The following AKAP19 variants were observed in gnomAD, a reference collection of about 807,000 sequenced individuals.
The protein encoded by AKAP19 is small A-kinase anchoring protein.
chr2:190,007,963 T>TA, the AKAP19 span, among the ~76,000 whole-genome samples: 2 of 152,082 alleles, frequency 1.3e-5, no homozygotes, highest in African/African-American at 2.4e-5. Context: ...CTCTGTCTCA[T>TA]AAAAAAGAGA....
the AKAP19 span, chr2:189,879,731 G>C: frequency 6.6e-6 from 1 of 152,248 alleles, no homozygotes; most frequent in Non-Finnish European, 1.5e-5. Flanking sequence ...GCGAGGCGAG[G>C]AGATCCGAAG....
At chr2:190,028,486 T>C in the AKAP19 span, among the ~76,000 whole-genome samples, 1 of 152,196 alleles carries the variant, frequency 6.6e-6, no homozygotes. Context: ...CACTGAATTT[T>C]GGTAAGATCT....
chr2:189,930,665 A>T, the AKAP19 span: 1 of 324,976 alleles, frequency 3.1e-6, no homozygotes, highest in South Asian at 3.7e-5. Flanking sequence ...GACAAGAAGG[A>T]AACTCCCTCT....
At chr2:189,973,190 A>G in the AKAP19 span, among the ~76,000 whole-genome samples, 178 of 152,194 alleles carry the variant, frequency 1.2e-3, no homozygotes, top group African/African-American at 3.7e-3. Flanking sequence ...TTTTTAGCAT[A>G]AAGGGCTGTT....
At chr2:190,038,901 TTTCTTCTTC>T in the AKAP19 span, among the ~76,000 whole-genome samples, 84 of 46,006 alleles carry the variant, frequency 1.8e-3, 3 homozygotes, top group South Asian at 3.0e-3. Flanking sequence ...TCTTTCTTTC[TTTCTTCTTC>T]TTCTTCTTCT....
chr2:190,164,459 G>T, the AKAP19 span, among the ~76,000 whole-genome samples: 1 of 152,150 alleles, frequency 6.6e-6, no homozygotes, highest in Non-Finnish European at 1.5e-5. Context: ...TGAGCCGTGG[G>T]GTGGAGGTTG....
chr2:189,949,909 C>G, the AKAP19 span, among the ~76,000 whole-genome samples: 11 of 151,552 alleles, frequency 7.3e-5, no homozygotes, highest in African/African-American at 2.7e-4. Flanking sequence ...GGATTACAGA[C>G]GTGAGCCACC....
At chr2:190,160,670 TTAAG>T in the AKAP19 span, among the ~76,000 whole-genome samples, 4 of 151,698 alleles carry the variant, frequency 2.6e-5, no homozygotes, top group African/African-American at 4.8e-5. Flanking sequence ...GCAAAATGTT[TTAAG>T]TAATTAGCTC....
chr2:189,931,206 T>G, the AKAP19 span, among the ~76,000 whole-genome samples: 6 of 130,134 alleles, frequency 4.6e-5, no homozygotes, highest in African/African-American at 1.5e-4. Context: ...GAAATGGTGG[T>G]TTTTTTTCTT....
At chr2:190,139,658 C>G in the AKAP19 span, among the ~76,000 whole-genome samples, 1 of 152,038 alleles carries the variant, frequency 6.6e-6, no homozygotes, top group Non-Finnish European at 1.5e-5. Flanking sequence ...TGAGAACTCA[C>G]TATCACAAAA....
the AKAP19 span, among the ~76,000 whole-genome samples, chr2:190,146,967 G>A: frequency 1.3e-5 from 2 of 152,180 alleles, no homozygotes; most frequent in African/African-American, 4.8e-5. Flanking sequence ...TTACTCTGCT[G>A]ACTGTTCATT....
At chr2:190,174,497 T>C in the AKAP19 span, among the ~76,000 whole-genome samples, 3 of 152,302 alleles carry the variant, frequency 2.0e-5, no homozygotes, top group African/African-American at 7.2e-5. Context: ...GGTATATTAG[T>C]CAAATATTTA....
chr2:190,190,862 C>T, the AKAP19 span, among the ~76,000 whole-genome samples: 2 of 152,162 alleles, frequency 1.3e-5, no homozygotes, highest in African/African-American at 4.8e-5. Flanking sequence ...GTTACAGCCA[C>T]CACCACAATC....
chr2:190,038,929 T>TTCTTCTTCTTCTTCC, the AKAP19 span, among the ~76,000 whole-genome samples: 1 of 143,532 alleles, frequency 7.0e-6, no homozygotes, highest in African/African-American at 2.7e-5. Flanking sequence ...CTTCTTCTTC[T>TTCTTCTTCTTCTTCC]TCTTCTTCTT....
chr2:189,892,469 G>A, the AKAP19 span, among the ~76,000 whole-genome samples: 3 of 152,174 alleles, frequency 2.0e-5, no homozygotes, highest in Non-Finnish European at 4.4e-5. Context: ...ATGTTTGTTA[G>A]TTTTCCTTCT....
At chr2:189,981,264 CTTCT>C in the AKAP19 span, among the ~76,000 whole-genome samples, 1 of 113,750 alleles carries the variant, frequency 8.8e-6, no homozygotes, top group African/African-American at 3.1e-5. Context: ...ACATAATACC[CTTCT>C]TTGTCTTTTT....
At chr2:189,956,908 C>T in the AKAP19 span, among the ~76,000 whole-genome samples, 2 of 152,204 alleles carry the variant, frequency 1.3e-5, no homozygotes, top group Non-Finnish European at 1.5e-5. Context: ...ATGATAATTT[C>T]AATTCAGCTT....
At chr2:189,968,063 A>G in the AKAP19 span, among the ~76,000 whole-genome samples, 1 of 152,156 alleles carries the variant, frequency 6.6e-6, no homozygotes, top group Admixed American at 6.5e-5. Context: ...AATAAGGAAC[A>G]GTGTGTTGTA....
the AKAP19 span, chr2:190,203,021 T>G: frequency 1.9e-5 from 3 of 156,426 alleles, no homozygotes; most frequent in Non-Finnish European, 4.6e-5. Flanking sequence ...GATAATCACC[T>G]TAGTCCCAAA....
Sources: allele counts gnomAD v4.1 joint callset (sites outside exome capture counted in the v4.1 genomes callset), GRCh38; gene constraint gnomAD v4.1.1; transcripts MANE v1.5; gene names NCBI Gene and HGNC (gene_info 2026-07-23, HGNC 2026-07-21).